SBNO2: variants seen among roughly 807,000 people sequenced by gnomAD.
The protein encoded by SBNO2 is strawberry notch homolog 2.
In SBNO2, 89 loss-of-function variants were observed where a neutral mutation model predicts 146.3. The observed-to-expected ratio is 0.61, with a 90% CI of 0.51 to 0.73. The LOEUF is 0.73. Among genes scored for constraint, SBNO2 ranks in the 30% least tolerant of loss-of-function variants. The probability of loss-of-function intolerance (pLI) is 0.00; values close to 1 mark genes in which losing one functional copy is unlikely to be tolerated. For missense variants in SBNO2, 2,092 were observed against 2,003.7 expected (o/e 1.04, Z -0.84); for synonymous variants, 1,147 against 892.6 (o/e 1.29, Z -5.08).
At chr19:1,115,076 TG>T (rs1266004590) in intron 17 of SBNO2, among the ~76,000 whole-genome samples, 1 of 151,206 alleles carries the variant, frequency 6.6e-6, no homozygotes, top group African/African-American at 2.4e-5. Context: ...ATTACAAGCA[TG>T]CACCACCACA....
At chr19:1,132,276 G>A in intron 4 of SBNO2, 1 of 1,312,738 alleles carries the variant, frequency 7.6e-7, no homozygotes, top group African/African-American at 1.5e-5. Context: ...TTGCATGTCG[G>A]TTTAGTCACC....
In SBNO2 at chr19:1,107,874, T is replaced by G; in HGVS notation, c.*346A>C. On this transcript the variant is annotated 3_prime_UTR_variant, in exon 32 of 32. Transcript: ENST00000361757. ...GACGCGGGGCCCTGAGCACCTGGGG[T>G]TTCCTGAGTTTCTAGCTCTTGGGAC... The G allele has an allele frequency of 6.1e-6, 1 of 164,914 alleles. No homozygotes were observed. Among genetic ancestry groups the G allele is most frequent in the Non-Finnish European group, 1.3e-5 (1 of 76,556 alleles). The allele number at this position is 164,914 out of a possible 1,614,324, so 10.2% of individuals were successfully genotyped here.
chr19:1,138,514 T>C (rs1359017814), intron 4 of SBNO2, among the ~76,000 whole-genome samples: 1 of 151,992 alleles, frequency 6.6e-6, no homozygotes, highest in Non-Finnish European at 1.5e-5. Context: ...TACCTACTCC[T>C]GGGTATGAGC....
At chr19:1,124,506 C>T (rs970652752) in intron 5 of SBNO2, among the ~76,000 whole-genome samples, 3 of 143,724 alleles carry the variant, frequency 2.1e-5, no homozygotes, top group South Asian at 2.5e-4. Context: ...GCAGTGGGGG[C>T]GGGCGGGCCT....
intron 11 of SBNO2, 42 bp downstream of exon 11, chr19:1,122,097 C>G: frequency 7.3e-7 from 1 of 1,370,770 alleles, no homozygotes; most frequent in Non-Finnish European, 9.5e-7. Context: ...CCTCCGACCC[C>G]CTAATCCAGC....
rs1014590707 is a variant in SBNO2 at position 1,126,346 on chromosome 19, T to G, written c.441+1258A>C. Among the ~76,000 whole-genome samples the G allele has an allele frequency of 6.6e-6, 1 of 151,922 alleles. No individual in the cohort carries two copies. The highest frequency in any genetic ancestry group is 1.5e-5 in the Non-Finnish European group (1 of 67,954). ...TGGAAGGCTGAGTCACCATTCCCGG[T>G]GGGGCTGGCGGGCATTGGGTTTCAG... On this transcript the variant is annotated intron_variant, in intron 5 of 31. Coordinates refer to ENST00000361757, the MANE Select transcript of SBNO2 (RefSeq NM_014963.3). The surrounding 1 kb of genome is among the most constrained non-coding windows in gnomAD (Gnocchi z 4.4).
chr19:1,116,172 C>G, intron 16 of SBNO2, 69 bp from the exon 17 acceptor site: 3 of 1,436,176 alleles, frequency 2.1e-6, no homozygotes, highest in Non-Finnish European at 2.9e-6. Flanking sequence ...TCTCCAGGAG[C>G]TGGACGCACC....
rs759400307 is a variant in SBNO2, at chr19:1,122,915, C to T, written c.759G>A (p.Glu253=). 8.6e-5 allele frequency: 133 copies of T among 1,553,742 alleles called. No homozygotes were observed. In the Middle Eastern group the frequency reaches 1.7e-3, roughly 20 times the overall value. The change falls in exon 8 of 32, where the codon GAG becomes GAA. Residue 253 remains glutamate (E), a synonymous_variant. Transcript: ENST00000361757. The stretch of plus-strand genomic sequence containing the variant: ...TCACCTGGCAGGCGTAGGTGATGGC[C>T]TCTAGCTGCAGGGCAGACAGGGCCC... ...DSGALSALQL[E]AITYACQQHE...
rs2079736901 is a variant in SBNO2, at chr19:1,110,046, G to T, written c.3029-269C>A. The stretch of plus-strand genomic sequence containing the variant: ...CTCAGGTCCTATGTAACCCCGAGCA[G>T]GCTGTGGGGGATCGTGGGAGCCTGG... On this transcript the variant is annotated intron_variant, in intron 26 of 31. Coordinates refer to ENST00000361757, the MANE Select transcript of SBNO2 (RefSeq NM_014963.3). The surrounding 1 kb of genome is among the most constrained non-coding windows in gnomAD (Gnocchi z 4.9). Among the ~76,000 whole-genome samples, 1 of 151,706 alleles carries T rather than the reference G, an allele frequency of 6.6e-6. No homozygotes were observed. The highest frequency in any genetic ancestry group is 6.6e-5 in the Admixed American group (1 of 15,260).
chr19:1,147,235 T>C (rs2080199010), intron 4 of SBNO2, 74 bp downstream of exon 4: 2 of 1,018,664 alleles, frequency 2.0e-6, no homozygotes, highest in Admixed American at 2.3e-5. Context: ...GCGAGAGAGG[T>C]CGCAGGGCAG....
chr19:1,164,361 G>A (rs201871497), intron 1 of SBNO2, among the ~76,000 whole-genome samples: 147 of 81,672 alleles, frequency 1.8e-3, no homozygotes, highest in Middle Eastern at 6.4e-3. Context: ...CTGTGGGGAC[G>A]TCCCAGATGC....
At position 1,111,607 on chromosome 19, in the gene SBNO2, G is replaced by A. The variant is rs371477857; in HGVS notation, c.2708C>T (p.Thr903Ile). 9.5e-6 allele frequency: 15 copies of A among 1,583,450 alleles called. No homozygotes were observed. Among genetic ancestry groups the A allele is most frequent in the African/African-American group, 1.3e-5 (1 of 74,200 alleles). The change falls in exon 24 of 32, where the codon ACC (threonine) becomes ATC (isoleucine). Residue 903 changes from threonine to isoleucine, a missense_variant. By Grantham distance (89) the Thr-to-Ile change is moderately conservative. Coordinates refer to ENST00000361757, the MANE Select transcript of SBNO2 (RefSeq NM_014963.3). ...SKYNFENKYGTRALHCVLTTI... is the reference protein window; with the variant it reads ...SKYNFENKYGIRALHCVLTTI... Reference sequence around the variant, plus strand: ...GGTGAGGACACAGTGCAGGGCCCGGGTGCCATACTAGGGGGAGAAGGTGAC... The same window carrying A: ...GGTGAGGACACAGTGCAGGGCCCGGATGCCATACTAGGGGGAGAAGGTGAC...
chr19:1,108,753 TC>T (rs1443283276), intron 31 of SBNO2, 25 bp downstream of exon 31: 13 of 1,592,594 alleles, frequency 8.2e-6, no homozygotes, highest in Non-Finnish European at 1.1e-5. Context: ...GCTCGGGCCT[TC>T]CCGGGGCGCC....
At position 1,147,336 on chromosome 19, in the gene SBNO2, C is replaced by T. The variant is rs745345028; in HGVS notation, c.252G>A (p.Leu84=). The T allele has an allele frequency of 6.4e-7, 1 of 1,573,400 alleles. No homozygotes were observed. Among genetic ancestry groups the T allele is most frequent in the Non-Finnish European group, 8.6e-7 (1 of 1,163,356 alleles). The change falls in exon 4 of 32, where the codon TTG becomes TTA. Residue 84 remains leucine (L), a synonymous_variant. Coordinates refer to ENST00000361757, the MANE Select transcript of SBNO2 (RefSeq NM_014963.3). ...GAGCAAAGTCGCAGGTCTTTGGTGG[C>T]AAGCTGGAGGCGGTGGCCACGGGGG... ...SYAPVATASS[L]PPKTCDFAQD... is the part of the protein sequence containing the mutation.
chr19:1,159,102 T>C (rs1359616612), intron 1 of SBNO2, among the ~76,000 whole-genome samples: 1 of 152,092 alleles, frequency 6.6e-6, no homozygotes, highest in African/African-American at 2.4e-5. Flanking sequence ...CCTGCAGCTA[T>C]GACCACCGCA....
chr19:1,119,663 C>G, intron 12 of SBNO2, 42 bp from the exon 13 acceptor site: 1 of 1,522,840 alleles, frequency 6.6e-7, no homozygotes. Flanking sequence ...CCCGGGAGGG[C>G]CCAGAGGCCG....
In SBNO2 at chr19:1,126,589, C is replaced by T. The variant is rs371281401; in HGVS notation, c.441+1015G>A. 4.1e-4 allele frequency among the ~76,000 whole-genome samples: 63 copies of T among 152,188 alleles called. No homozygotes were observed. The East Asian group carries it at 5.8e-3, about 14-fold the overall frequency. Reference sequence around the variant, plus strand: ...GCCCACCGTGAGCCACCCACCGTGGCTGCGGGGTGCCCTGATGCTTCCTGC... The same window carrying T: ...GCCCACCGTGAGCCACCCACCGTGGTTGCGGGGTGCCCTGATGCTTCCTGC... On this transcript the variant is annotated intron_variant, in intron 5 of 31. Coordinates refer to ENST00000361757, the MANE Select transcript of SBNO2 (RefSeq NM_014963.3). The surrounding 1 kb of genome is among the most constrained non-coding windows in gnomAD (Gnocchi z 4.4).
chr19:1,114,131 C>T (rs976185607), intron 18 of SBNO2, 100 bp downstream of exon 18: 41 of 1,144,122 alleles, frequency 3.6e-5, no homozygotes, highest in Non-Finnish European at 4.4e-5. Context: ...GCCAGGAGGC[C>T]GGGGGAGCCT....
rs774499385 is a variant in SBNO2, at chr19:1,154,366, C to G, written c.-90G>C. 4.7e-6 allele frequency: 3 copies of G among 637,476 alleles called. No homozygotes were observed. The highest frequency in any genetic ancestry group is 1.9e-5 in the African/African-American group (1 of 52,686). The allele number at this position is 637,476 out of a possible 1,614,324, so 39.5% of individuals were successfully genotyped here. ...CGCCGGGGCGTCTATCTGGGCTTCTCGCTCCGTGGTGGCGGCGGTGGCGGC... is the reference window on the plus strand; with the variant it reads ...CGCCGGGGCGTCTATCTGGGCTTCTGGCTCCGTGGTGGCGGCGGTGGCGGC... On this transcript the variant is annotated 5_prime_UTR_variant, in exon 2 of 32. Coordinates refer to ENST00000361757, the MANE Select transcript of SBNO2 (RefSeq NM_014963.3).
Sources: gnomAD v4.1 joint callset for allele counts (sites outside exome capture counted in the v4.1 genomes callset) on GRCh38, gnomAD v4.1.1 for gene constraint, Gnocchi (gnomAD v3.1) non-coding constraint, MANE v1.5 for transcripts, NCBI Gene and HGNC (gene_info 2026-07-23, HGNC 2026-07-21) for gene names.